Variants in GREB1L observed in about 807,000 individuals in gnomAD.
GREB1L encodes the protein GREB1 like retinoic acid receptor coactivator, also known as GREB1-like protein.
A neutral mutation model predicts 200.8 loss-of-function variants in GREB1L; 17 were observed. The ratio of observed to expected loss-of-function variants is 0.08; its 90% confidence interval spans 0.06 to 0.13. The LOEUF (loss-of-function observed/expected upper bound fraction) is 0.13, where lower values mean the gene tolerates loss of function less well. GREB1L is among the 10% of genes least tolerant of loss of function. GREB1L has a pLI of 1.00. For missense variants in GREB1L, 1,657 were observed against 2,367.7 expected (o/e 0.70, Z 6.23); for synonymous variants, 789 against 893.0 (o/e 0.88, Z 2.08).
At chr18:21,279,176 AG>A (rs1415086955) in intron 1 of GREB1L, among the ~76,000 whole-genome samples, 1 of 152,148 alleles carries the variant, frequency 6.6e-6, no homozygotes, top group Admixed American at 6.5e-5. Flanking sequence ...ATAGAGAAAA[AG>A]GGCATCTATA....
At chr18:21,452,377 T>C (rs908665873) in intron 14 of GREB1L, 160 bp downstream of exon 14, 4 of 685,184 alleles carry the variant, frequency 5.8e-6, no homozygotes, top group Non-Finnish European at 9.3e-6. Context: ...AAAAATGCTT[T>C]CCCATGTGGC....
At chr18:21,295,414 G>A (rs957223439) in intron 1 of GREB1L, among the ~76,000 whole-genome samples, 9 of 152,236 alleles carry the variant, frequency 5.9e-5, no homozygotes, top group East Asian at 1.9e-4. Context: ...GCTTTTCTTA[G>A]TGAAGAGGAA....
chr18:21,469,700 A>G (rs1190584799), intron 15 of GREB1L, among the ~76,000 whole-genome samples: 1 of 152,200 alleles, frequency 6.6e-6, no homozygotes, highest in East Asian at 1.9e-4. Context: ...CTCTATTTCT[A>G]TATCTACCTA....
At chr18:21,416,158 G>A (rs1184026733) in intron 7 of GREB1L, among the ~76,000 whole-genome samples, 1 of 152,130 alleles carries the variant, frequency 6.6e-6, no homozygotes, top group Non-Finnish European at 1.5e-5. Context: ...TGTTTGAGAA[G>A]AAAAGCACTC....
intron 13 of GREB1L, 25 bp downstream of exon 13, chr18:21,451,176 C>T: frequency 6.5e-7 from 1 of 1,549,716 alleles, no homozygotes; most frequent in Non-Finnish European, 8.7e-7. Context: ...GATTTGGCAA[C>T]ACTGGCAGCC....
chr18:21,268,554 CACACACAT>C (rs1390971373), intron 1 of GREB1L, among the ~76,000 whole-genome samples: 13 of 96,848 alleles, frequency 1.3e-4, no homozygotes, highest in South Asian at 6.3e-4. Flanking sequence ...CACACACACA[CACACACAT>C]ATATATATAT....
At chr18:21,521,874 TGCACCTGTAGTCCCA>T (rs1344734003) in intron 32 of GREB1L, among the ~76,000 whole-genome samples, 4 of 151,072 alleles carry the variant, frequency 2.6e-5, no homozygotes, top group Non-Finnish European at 5.9e-5. Flanking sequence ...AGTGGTGGCG[TGCACCTGTAGTCCCA>T]GCCACCTGGG....
At chr18:21,268,168 G>T (rs560093560) in intron 1 of GREB1L, among the ~76,000 whole-genome samples, 1 of 152,098 alleles carries the variant, frequency 6.6e-6, no homozygotes, top group South Asian at 2.1e-4. Flanking sequence ...GGGTAGGCAG[G>T]TGCTTGATGA....
chr18:21,473,853 G>A (rs899660589), intron 16 of GREB1L, among the ~76,000 whole-genome samples: 3 of 152,156 alleles, frequency 2.0e-5, no homozygotes, highest in African/African-American at 7.2e-5. Flanking sequence ...CATGGCATAA[G>A]GCAGGGAGGA....
At chr18:21,278,404 ATAAAT>A (rs1567919451) in intron 1 of GREB1L, among the ~76,000 whole-genome samples, 1 of 146,008 alleles carries the variant, frequency 6.8e-6, no homozygotes, top group African/African-American at 2.6e-5. Context: ...AAATAAATAA[ATAAAT>A]AAATAAATAA....
Position 21,500,084 on chromosome 18 carries a change from G to A in GREB1L, c.3747G>A (p.Lys1249=), listed in dbSNP as rs2036718210. The A allele has an allele frequency of 6.4e-7, 1 of 1,551,608 alleles. No individual in the cohort carries two copies. Among genetic ancestry groups the A allele is most frequent in the Non-Finnish European group, 8.7e-7 (1 of 1,147,038 alleles). The change falls in exon 22 of 33, where the codon AAG becomes AAA. Residue 1249 remains lysine, a synonymous_variant. Coordinates refer to ENST00000424526, the MANE Select transcript of GREB1L (RefSeq NM_001142966.3). Reference sequence around the variant, plus strand: ...TCCTGGGCTCCCAGAAGAGTGGCAAGCTGCCATCCTCCTCCTCCCTGCTGC... The same window carrying A: ...TCCTGGGCTCCCAGAAGAGTGGCAAACTGCCATCCTCCTCCTCCCTGCTGC... The part of the protein sequence containing the change: ...YSLLGSQKSG[K]LPSSSSLLPH...
chr18:21,383,108 A>G (rs1464491972), intron 2 of GREB1L, among the ~76,000 whole-genome samples: 5 of 152,164 alleles, frequency 3.3e-5, no homozygotes, highest in African/African-American at 9.7e-5. Context: ...GAGAAAATTC[A>G]TTACTTACTC....
rs1283010938 is a variant in GREB1L at position 21,254,235 on chromosome 18, A to G, written c.-120+11842A>G. ...CAGGCACACTTCATCACACCCAGCT[A>G]ATTTTTGTATTTTTAGTACAGACAG... On this transcript the variant is annotated intron_variant, in intron 1 of 32. Coordinates refer to ENST00000424526, the MANE Select transcript of GREB1L (RefSeq NM_001142966.3). 3.3e-5 allele frequency among the ~76,000 whole-genome samples: 5 copies of G among 151,498 alleles called. No homozygotes were observed. The East Asian group carries it at 9.7e-4, about 29-fold the overall frequency.
chr18:21,277,032 C>T (rs1214675156), intron 1 of GREB1L, among the ~76,000 whole-genome samples: 1 of 150,838 alleles, frequency 6.6e-6, no homozygotes, highest in Admixed American at 6.6e-5. Context: ...GGGTTCACGC[C>T]ATTCTCCTGC....
chr18:21,507,179 A>G (rs1384376319), intron 25 of GREB1L, among the ~76,000 whole-genome samples: 1 of 152,218 alleles, frequency 6.6e-6, no homozygotes, highest in Non-Finnish European at 1.5e-5. Flanking sequence ...AAATAAGCTC[A>G]TAAAAGCTTT....
intron 1 of GREB1L, among the ~76,000 whole-genome samples, chr18:21,267,264 C>T (rs1289605654): frequency 2.7e-5 from 4 of 150,596 alleles, no homozygotes; most frequent in Non-Finnish European, 4.4e-5. Context: ...TCACTGCAAC[C>T]TCTGCCTCCC....
chr18:21,408,794 CAAA>C (rs58262799), intron 7 of GREB1L, among the ~76,000 whole-genome samples: 2 of 73,612 alleles, frequency 2.7e-5, no homozygotes, highest in Admixed American at 1.7e-4. Flanking sequence ...AATTCCATCT[CAAA>C]AAAAAAAAAA....
At chr18:21,362,066 A>T (rs780943956) in intron 1 of GREB1L, among the ~76,000 whole-genome samples, 2 of 152,040 alleles carry the variant, frequency 1.3e-5, no homozygotes, top group African/African-American at 2.4e-5. Flanking sequence ...TAATTATTTA[A>T]TCTTTTTTCT....
chr18:21,301,934 TTAAGGGAGGAAGAATGGAC>T (rs1415374059), intron 1 of GREB1L, among the ~76,000 whole-genome samples: 1 of 152,184 alleles, frequency 6.6e-6, no homozygotes, highest in African/African-American at 2.4e-5. Flanking sequence ...AGGAGGTTGC[TTAAGGGAGGAAGAATGGAC>T]TAAGGGAGAA....
Sources: gnomAD v4.1 joint callset for allele counts (sites outside exome capture counted in the v4.1 genomes callset) on GRCh38, gnomAD v4.1.1 for gene constraint, MANE v1.5 for transcripts, NCBI Gene and HGNC (gene_info 2026-07-23, HGNC 2026-07-21) for gene names.